FUS: variants seen among roughly 807,000 people sequenced by gnomAD.
The protein encoded by FUS is FUS RNA binding protein.
FUS carries 5 observed loss-of-function variants against 82.7 expected under a neutral mutation model. The observed-to-expected ratio is 0.06, with a 90% confidence interval of 0.03 to 0.13. FUS has a LOEUF of 0.13. FUS is among the 10% of genes least tolerant of loss of function. FUS has a pLI of 1.00. For missense variants in FUS, 512 were observed against 707.8 expected (o/e 0.72, Z 3.14); for synonymous variants, 281 against 247.4 (o/e 1.14, Z -1.27).
rs1159514550 is a variant in FUS, at chr16:31,188,327, C to G, written c.802C>G (p.Pro268Ala). 6.2e-7 allele frequency: 1 copy of G among 1,613,224 alleles called. No homozygotes were observed. Among genetic ancestry groups the G allele is most frequent in the Non-Finnish European group, 8.5e-7 (1 of 1,179,924 alleles). ...TCTTTTTTTCCATGTCACTAAAGGC[C>G]CTCGGGACCAAGGATCACGTCATGA... ...DRGGFNKFGGPRDQGSRHDSE... is the reference protein window; with the variant it reads ...DRGGFNKFGGARDQGSRHDSE... Residue 268 changes from proline (P) to alanine (A), a missense_variant and splice_region_variant, in exon 8 of 15, where the codon CCT becomes GCT. Transcript: ENST00000254108.
chr16:31,194,372 T>G (rs2079397505), downstream of FUS: 1 of 516,312 alleles, frequency 1.9e-6, no homozygotes, highest in Admixed American at 2.3e-5. Flanking sequence ...AACTGCAACC[T>G]CTGCCTCCCA....
chr16:31,190,480 C>G, intron 12 of FUS, 82 bp downstream of exon 12: 8 of 1,595,956 alleles, frequency 5.0e-6, no homozygotes, highest in Non-Finnish European at 6.0e-6. Context: ...TGCGTGTTTT[C>G]CAAAGAAGTA....
chr16:31,190,504 C>T, intron 12 of FUS, 106 bp downstream of exon 12: 1 of 1,541,944 alleles, frequency 6.5e-7, no homozygotes, highest in Non-Finnish European at 9.0e-7. Flanking sequence ...GTCAAGGCCA[C>T]ACTGTTGGGG....
At chr16:31,187,013 C>T in intron 7 of FUS, 177 bp downstream of exon 7, 3 of 690,116 alleles carry the variant, frequency 4.3e-6, no homozygotes, top group Non-Finnish European at 7.9e-6. Flanking sequence ...TAACCTGGAG[C>T]AGGTAGGGGT....
rs2079247311 is a variant in FUS, at chr16:31,185,101, G to A, written c.686G>A (p.Gly229Asp). ...AGTGGTGGCGGCGGCGGCGGCGGCG[G>A]TGGTGGTTACAACCGCAGCAGTGGT... ...GGSGGGGGGG[G>D]GGYNRSSGGY... Residue 229 changes from glycine to aspartate, a missense_variant, in exon 6 of 15, where the codon GGT becomes GAT. This residue lies in a region of FUS where 276 missense variants were observed against 303.3 expected (regional missense o/e 0.91). Transcript: ENST00000254108. 1 of 1,607,056 alleles carries A rather than the reference G, an allele frequency of 6.2e-7. No individual in the cohort carries two copies. The highest frequency in any genetic ancestry group is 1.7e-5 in the Admixed American group (1 of 58,454).
At chr16:31,186,887 G>C (rs1170349188) in intron 7 of FUS, 51 bp downstream of exon 7, 1 of 1,535,518 alleles carries the variant, frequency 6.5e-7, no homozygotes, top group Non-Finnish European at 9.0e-7. Context: ...TGCTTTGTCT[G>C]ATTGTTCATT....
intron 6 of FUS, 58 bp downstream of exon 6, chr16:31,185,237 A>G (rs2079250520): frequency 6.5e-7 from 1 of 1,527,906 alleles, no homozygotes; most frequent in East Asian, 2.3e-5. Flanking sequence ...GATTGCATGA[A>G]TCTCCCTGAA....
chr16:31,182,741 G>A, intron 3 of FUS, 77 bp downstream of exon 3: 5 of 1,584,204 alleles, frequency 3.2e-6, no homozygotes, highest in Non-Finnish European at 4.3e-6. Context: ...TTTGGAGACG[G>A]AGTCTGGTCC....
chr16:31,192,943 G>A (rs1462363394), downstream of FUS: 8 of 484,860 alleles, frequency 1.6e-5, no homozygotes, highest in South Asian at 1.1e-4. Flanking sequence ...TGAATCTTGG[G>A]TGATTTGAGG....
chr16:31,185,067 A>C lies in FUS; in HGVS notation c.652A>C (p.Arg218=). The change falls in exon 6 of 15, where the codon AGG becomes CGG. Residue 218 remains arginine, a synonymous_variant. Transcript: ENST00000254108. ...YGQQDRGGRG[R]GGSGGGGGGG... is the part of the protein sequence containing the mutation. Reference sequence around the variant, plus strand: ...ACAGCAGGACCGTGGAGGCCGCGGCAGGGGTGGCAGTGGTGGCGGCGGCGG... The same window carrying C: ...ACAGCAGGACCGTGGAGGCCGCGGCCGGGGTGGCAGTGGTGGCGGCGGCGG... 1 of 1,610,944 alleles carries C rather than the reference A, an allele frequency of 6.2e-7. No homozygotes were observed.
At chr16:31,183,117 A>G (rs76462739) in intron 3 of FUS, 2,556 of 244,672 alleles carry the variant, frequency 0.01, 79 homozygotes, top group African/African-American at 0.055. Context: ...TGAGTCCTTT[A>G]CAGGGCATTG....
intron 6 of FUS, chr16:31,185,560 T>C (rs1196755967): frequency 1.5e-5 from 8 of 544,008 alleles, no homozygotes; most frequent in Non-Finnish European, 2.5e-5. Context: ...AAACTTGGTA[T>C]GTGTATTCCC....
chr16:31,182,013 T>C (rs746222052), intron 1 of FUS, among the ~76,000 whole-genome samples: 4 of 152,170 alleles, frequency 2.6e-5, no homozygotes, highest in Non-Finnish European at 5.9e-5. Flanking sequence ...ATTTTTATTT[T>C]TTTTTTTGAG....
intron 6 of FUS, chr16:31,185,420 C>CAA: frequency 1.6e-6 from 1 of 616,666 alleles, no homozygotes. Flanking sequence ...TACTTGTTTC[C>CAA]AAAAAAAAAG....
intron 14 of FUS, 99 bp from the exon 15 acceptor site, chr16:31,191,300 T>C: frequency 6.5e-7 from 1 of 1,528,262 alleles, no homozygotes; most frequent in Non-Finnish European, 9.1e-7. Flanking sequence ...GATAAGATAC[T>C]CGCTGGGTTA....
At chr16:31,193,066 G>A (rs1353437286), downstream of FUS, 2 of 484,064 alleles carry the variant, frequency 4.1e-6, no homozygotes, top group East Asian at 4.9e-5. Flanking sequence ...GGGTTCAAGC[G>A]ATAGCTGGGA....
downstream of FUS, chr16:31,191,741 C>T (rs187266535): frequency 1.6e-5 from 10 of 639,002 alleles, no homozygotes; most frequent in Admixed American, 1.5e-4. Context: ...CAAATGATAT[C>T]CTTGAGAGCA....
intron 3 of FUS, chr16:31,183,118 C>G (rs1310954068): frequency 4.1e-6 from 1 of 244,582 alleles, no homozygotes; most frequent in African/African-American, 2.3e-5. Flanking sequence ...GAGTCCTTTA[C>G]AGGGCATTGT....
At chr16:31,193,967 A>T, downstream of FUS, 1 of 532,272 alleles carries the variant, frequency 1.9e-6, no homozygotes, top group Non-Finnish European at 3.6e-6. Flanking sequence ...ATTCTTACTG[A>T]ATGATTGAAA....
Sources: gnomAD v4.1 joint callset for allele counts (sites outside exome capture counted in the v4.1 genomes callset) on GRCh38, gnomAD v4.1.1 for gene constraint, gnomAD v4.1.1 regional missense constraint, MANE v1.5 for transcripts, NCBI Gene and HGNC (gene_info 2026-07-23, HGNC 2026-07-21) for gene names.